Variants in CELF5 observed in about 807,000 individuals in gnomAD.
CELF5 encodes the protein CUGBP Elav-like family member 5, also known as CUG-BP and ETR-3 like factor 5.
A neutral mutation model predicts 54.9 loss-of-function variants in CELF5; 6 were observed. The ratio of observed to expected loss-of-function variants is 0.11; its 90% CI spans 0.06 to 0.22. The LOEUF (loss-of-function observed/expected upper bound fraction) is 0.22, where lower values mean the gene tolerates loss of function less well. Ranked by LOEUF, CELF5 falls within the 10% of genes least tolerant of loss-of-function variation. The pLI is 1.00. For missense variants in CELF5, 401 were observed against 678.6 expected (o/e 0.59, Z 4.54); for synonymous variants, 271 against 290.9 (o/e 0.93, Z 0.70).
At chr19:3,272,801 G>A (rs1454113430) in intron 2 of CELF5, among the ~76,000 whole-genome samples, 1 of 152,114 alleles carries the variant, frequency 6.6e-6, no homozygotes, top group African/African-American at 2.4e-5. Context: ...AGGTTGAGTG[G>A]GAGTTTGCCA....
chr19:3,276,143 G>A (rs2080046786), intron 4 of CELF5, among the ~76,000 whole-genome samples, 159 bp downstream of exon 4: 1 of 142,034 alleles, frequency 7.0e-6, no homozygotes, highest in African/African-American at 2.6e-5. Context: ...GTCTGTGGGT[G>A]AGGCTGCAGG....
At chr19:3,245,371 CGT>C (rs1294421530) in intron 1 of CELF5, among the ~76,000 whole-genome samples, 7 of 104,874 alleles carry the variant, frequency 6.7e-5, no homozygotes, top group South Asian at 3.2e-4. Context: ...TGTGTGTGTG[CGT>C]GTGTGTGTAT....
Position 3,268,083 on chromosome 19 carries a change from C to T in CELF5, c.343-5789C>T, listed in dbSNP as rs969264702. On this transcript the variant is annotated intron_variant, in intron 2 of 12. Coordinates refer to ENST00000292672, the MANE Select transcript of CELF5 (RefSeq NM_021938.4). This position sits in a 1 kb window ranked among gnomAD's most constrained non-coding sequence, Gnocchi z 4.4. Reference sequence around the variant, plus strand: ...ATTTGATCTCAGCTCACTGCAACCTCGGCCTCCTGGGTTCAAGCAATTCTT... The same window carrying T: ...ATTTGATCTCAGCTCACTGCAACCTTGGCCTCCTGGGTTCAAGCAATTCTT... 2.0e-5 allele frequency among the ~76,000 whole-genome samples: 3 copies of T among 152,150 alleles called. No homozygotes were observed. Among genetic ancestry groups the T allele is most frequent in the East Asian group, 1.9e-4 (1 of 5,198 alleles).
rs1009292655 is a variant in CELF5 at position 3,278,938 on chromosome 19, G to A, written c.603+828G>A. The stretch of plus-strand genomic sequence containing the variant: ...TAGCCCAGAGGAGCCATAGAAGATG[G>A]GGCCGCAATGCGAGGCTGAGAAGCC... On this transcript the variant is annotated intron_variant, in intron 5 of 12. Coordinates refer to ENST00000292672, the MANE Select transcript of CELF5 (RefSeq NM_021938.4). This position sits in a 1 kb window ranked among gnomAD's most constrained non-coding sequence, Gnocchi z 4.5. Among the ~76,000 whole-genome samples, 10 of 152,154 alleles carry A rather than the reference G, an allele frequency of 6.6e-5. No homozygotes were observed. Among genetic ancestry groups the A allele is most frequent in the African/African-American group, 2.4e-4 (10 of 41,412 alleles).
In CELF5 at chr19:3,224,916, G is replaced by A; in HGVS notation, c.177G>A (p.Lys59=). 1.9e-6 allele frequency: 3 copies of A among 1,608,538 alleles called. No individual in the cohort carries two copies. Among genetic ancestry groups the A allele is most frequent in the East Asian group, 4.5e-5 (2 of 44,518 alleles). The change falls in exon 1 of 13, where the codon AAG becomes AAA. Residue 59 remains lysine (K), a synonymous_variant. Coordinates refer to ENST00000292672, the MANE Select transcript of CELF5 (RefSeq NM_021938.4). The part of the protein sequence containing the change: ...VGQIPRHLDE[K]DLKPLFEQFG... ...AGATCCCGCGGCACCTGGACGAGAA[G>A]GACCTCAAGCCGCTCTTCGAGCAGT...
rs1363949662 is a variant in CELF5, at chr19:3,236,301, G to A, written c.259+11303G>A. ...TGGAGAGGATGAGCAGCAAAGCTGA[G>A]TAGGTGGAGAAGGGAGGGTCCTGTG... On this transcript the variant is annotated intron_variant, in intron 1 of 12. Transcript: ENST00000292672. Among the ~76,000 whole-genome samples, 3 of 152,202 alleles carry A rather than the reference G, an allele frequency of 2.0e-5. No individual in the cohort carries two copies. The East Asian group carries it at 5.8e-4, about 29-fold the overall frequency.
rs924051611 is a variant in CELF5 at position 3,282,819 on chromosome 19, T to C, written c.1039+321T>C. 1.3e-5 allele frequency among the ~76,000 whole-genome samples: 2 copies of C among 152,204 alleles called. No homozygotes were observed. The highest frequency in any genetic ancestry group is 2.4e-5 in the African/African-American group (1 of 41,458). On this transcript the variant is annotated intron_variant, in intron 8 of 12. Transcript: ENST00000292672. This position sits in a 1 kb window ranked among gnomAD's most constrained non-coding sequence, Gnocchi z 5.2. ...ACATCAGTAGCCTCAGAGGGTTGCA[T>C]TGACAATTTAATCTGTGTGCAAAAG...
chr19:3,255,408 T>G (rs1424382288), intron 2 of CELF5, among the ~76,000 whole-genome samples: 1 of 152,178 alleles, frequency 6.6e-6, no homozygotes, highest in Non-Finnish European at 1.5e-5. Context: ...GGTTTTGAAC[T>G]CCTGACCTCA....
intron 2 of CELF5, among the ~76,000 whole-genome samples, chr19:3,260,906 G>C (rs1442437523): frequency 6.6e-6 from 1 of 151,796 alleles, no homozygotes; most frequent in Non-Finnish European, 1.5e-5. Context: ...ACAGGTGTGA[G>C]CCACTGCGCC....
intron 1 of CELF5, among the ~76,000 whole-genome samples, chr19:3,235,772 AGATGGATGGATGGATGAATG>A (rs1917565599): frequency 5.7e-5 from 2 of 34,912 alleles, no homozygotes; most frequent in African/African-American, 2.5e-4. Flanking sequence ...ATGGGTGGAT[AGATGGATGGATGGATGAATG>A]GATGGATGGA....
chr19:3,242,666 C>T (rs919328121), intron 1 of CELF5, among the ~76,000 whole-genome samples: 1 of 152,008 alleles, frequency 6.6e-6, no homozygotes, highest in African/African-American at 2.4e-5. Context: ...ATTAGACAGT[C>T]ATAGTGGCAG....
At chr19:3,260,403 T>C (rs1218343217) in intron 2 of CELF5, among the ~76,000 whole-genome samples, 3 of 152,164 alleles carry the variant, frequency 2.0e-5, no homozygotes, top group Non-Finnish European at 4.4e-5. Flanking sequence ...CCCAAAATGC[T>C]GGGATTACAG....
intron 2 of CELF5, among the ~76,000 whole-genome samples, chr19:3,256,177 C>T (rs910804125): frequency 3.3e-5 from 5 of 152,134 alleles, no homozygotes; most frequent in Admixed American, 1.3e-4. Flanking sequence ...CAGACACTGA[C>T]GACCCAGCCA....
chr19:3,244,627 C>T (rs1568334820), intron 1 of CELF5, among the ~76,000 whole-genome samples: 1 of 130,598 alleles, frequency 7.7e-6, no homozygotes, highest in African/African-American at 3.0e-5. Context: ...CGTGTGTGTG[C>T]GTGTGTGGTG....
At position 3,224,959 on chromosome 19, in the gene CELF5, C is replaced by A. The variant is rs761185897; in HGVS notation, c.220C>A (p.Leu74Ile). The change falls in exon 1 of 13, where the codon CTC (leucine) becomes ATC (isoleucine). Residue 74 changes from leucine (L) to isoleucine (I), a missense_variant. Around this residue, in one of 6 missense-constraint regions of CELF5, gnomAD observed 66 missense variants for 132.3 expected, o/e 0.50. Transcript: ENST00000292672. ...LFEQFGRIYE[L>I]TVLKDPYTGM... Reference sequence around the variant, plus strand: ...CGAGCAGTTCGGCCGCATCTACGAGCTCACGGTGCTCAAAGACCCCTACAC... The same window carrying A: ...CGAGCAGTTCGGCCGCATCTACGAGATCACGGTGCTCAAAGACCCCTACAC... 1 of 1,606,936 alleles carries A rather than the reference C, an allele frequency of 6.2e-7. No individual in the cohort carries two copies.
At chr19:3,225,507 C>G (rs949533253) in intron 1 of CELF5, 5 of 857,598 alleles carry the variant, frequency 5.8e-6, no homozygotes, top group Admixed American at 6.8e-5. Flanking sequence ...CAGGCCCCGT[C>G]GGGGAAGTTT....
At chr19:3,254,445 GCATC>G (rs896189987) in intron 2 of CELF5, among the ~76,000 whole-genome samples, 3 of 143,616 alleles carry the variant, frequency 2.1e-5, no homozygotes, top group African/African-American at 5.2e-5. Context: ...ATCCATCTAC[GCATC>G]CATCCATCCA....
In CELF5 at chr19:3,281,362, C is replaced by T. The variant is rs1162325935; in HGVS notation, c.750+17C>T. The T allele has an allele frequency of 1.3e-6, 2 of 1,588,610 alleles. No individual in the cohort carries two copies. The highest frequency in any genetic ancestry group is 4.5e-5 in the East Asian group (2 of 44,310). The stretch of plus-strand genomic sequence containing the variant: ...GCCCAGGCTGTGAGTGACCCAGTGA[C>T]AGCTTCGGGGCTCCGGCTCCGTCTC... On this transcript the variant is annotated intron_variant, in intron 6 of 12. Transcript: ENST00000292672. This position sits in a 1 kb window ranked among gnomAD's most constrained non-coding sequence, Gnocchi z 6.5.
chr19:3,257,203 G>A (rs1038863101), intron 2 of CELF5, among the ~76,000 whole-genome samples: 13 of 152,322 alleles, frequency 8.5e-5, no homozygotes, highest in Middle Eastern at 3.4e-3. Flanking sequence ...TGCAGGAAGG[G>A]CGTTTCTGGC....
Sources: gnomAD v4.1 joint callset for allele counts (sites outside exome capture counted in the v4.1 genomes callset) on GRCh38, gnomAD v4.1.1 for gene constraint, gnomAD v4.1.1 regional missense constraint, Gnocchi (gnomAD v3.1) non-coding constraint, MANE v1.5 for transcripts, NCBI Gene and HGNC (gene_info 2026-07-23, HGNC 2026-07-21) for gene names.